The following FOXP1 variants were observed in gnomAD, a reference collection of about 807,000 sequenced individuals.
FOXP1 encodes the protein forkhead box P1.
FOXP1 carries 15 observed loss-of-function variants against 98.2 expected under a neutral mutation model. The observed-to-expected ratio is 0.15, with a 90% confidence interval of 0.10 to 0.24. FOXP1 has a LOEUF of 0.24. Ranked by LOEUF, FOXP1 falls within the 10% of genes least tolerant of loss-of-function variation. The probability of loss-of-function intolerance (pLI) is 1.00; values close to 1 mark genes in which losing one functional copy is unlikely to be tolerated. For synonymous variants in FOXP1, 371 were observed against 314.5 expected (o/e 1.18, Z -1.90); for missense variants, 633 against 848.5 (o/e 0.75, Z 3.15).
intron 7 of FOXP1, 62 bp from the exon 8 acceptor site, chr3:71,053,835 T>C: frequency 6.3e-7 from 1 of 1,598,876 alleles, no homozygotes; most frequent in South Asian, 1.1e-5. Context: ...GCCTCCCAGG[T>C]TCAGCAGCTG....
intron 9 of FOXP1, 31 bp from the exon 10 acceptor site, chr3:71,047,126 G>T: frequency 6.2e-7 from 1 of 1,613,202 alleles, no homozygotes; most frequent in East Asian, 2.2e-5. Context: ...AAAATGAGAT[G>T]GCCACTTCCC....
intron 2 of FOXP1, among the ~76,000 whole-genome samples, chr3:71,498,051 G>A (rs2091534569): frequency 6.6e-6 from 1 of 152,078 alleles, no homozygotes; most frequent in Non-Finnish European, 1.5e-5. Context: ...CATGCGTTCT[G>A]GCAGTGGCTA....
intron 3 of FOXP1, among the ~76,000 whole-genome samples, chr3:71,405,734 A>T (rs67883066): frequency 0.15 from 23,043 of 150,716 alleles, 2,061 homozygotes; most frequent in South Asian, 0.21. Flanking sequence ...TTATTTATTT[A>T]TTTATTTTTT....
intron 8 of FOXP1, among the ~76,000 whole-genome samples, chr3:71,053,256 C>T (rs1157702431): frequency 6.6e-6 from 1 of 152,178 alleles, no homozygotes; most frequent in Non-Finnish European, 1.5e-5. Context: ...CTGTAAGCTT[C>T]TGAGTCGAAA....
intron 5 of FOXP1, among the ~76,000 whole-genome samples, chr3:71,249,557 C>T (rs754071491): frequency 6.6e-6 from 1 of 152,156 alleles, no homozygotes; most frequent in African/African-American, 2.4e-5. Flanking sequence ...CAGTGGAGTC[C>T]GGATCTGAAC....
intron 4 of FOXP1, among the ~76,000 whole-genome samples, chr3:71,315,554 G>A (rs2075028748): frequency 6.6e-6 from 1 of 152,170 alleles, no homozygotes; most frequent in Admixed American, 6.5e-5. Flanking sequence ...TCTTGAATGA[G>A]AGAGAACAGC....
chr3:71,067,563 G>T (rs867721247), intron 7 of FOXP1, among the ~76,000 whole-genome samples: 1 of 152,168 alleles, frequency 6.6e-6, no homozygotes, highest in Admixed American at 6.5e-5. Context: ...TTGTACAGAG[G>T]AGGAAACTGA....
intron 17 of FOXP1, among the ~76,000 whole-genome samples, chr3:70,973,965 G>A (rs954151145): frequency 6.6e-6 from 1 of 151,686 alleles, no homozygotes; most frequent in African/African-American, 2.4e-5. Flanking sequence ...CACAATTGGT[G>A]GCTGTGAGGA....
At chr3:71,403,934 T>C (rs943780280) in intron 3 of FOXP1, among the ~76,000 whole-genome samples, 2 of 152,012 alleles carry the variant, frequency 1.3e-5, no homozygotes, top group Non-Finnish European at 2.9e-5. Flanking sequence ...TCAAAATAGA[T>C]GGCATGTGAA....
intron 3 of FOXP1, among the ~76,000 whole-genome samples, chr3:71,471,580 A>G (rs1045121456): frequency 6.6e-6 from 1 of 152,160 alleles, no homozygotes; most frequent in Non-Finnish European, 1.5e-5. Flanking sequence ...AAACTATAAC[A>G]ATGTTCCATT....
intron 2 of FOXP1, among the ~76,000 whole-genome samples, chr3:71,528,267 C>CA (rs2043555723): frequency 6.6e-6 from 1 of 152,218 alleles, no homozygotes; most frequent in Non-Finnish European, 1.5e-5. Flanking sequence ...CCCTAACTTT[C>CA]AAACTCTCAG....
At chr3:71,206,853 C>A (rs182745438) in intron 5 of FOXP1, among the ~76,000 whole-genome samples, 20 of 152,188 alleles carry the variant, frequency 1.3e-4, no homozygotes, top group African/African-American at 4.6e-4. Flanking sequence ...TCCTAATAGA[C>A]AAGAGTTTAA....
intron 2 of FOXP1, chr3:71,571,808 C>T (rs889256017): frequency 1.3e-5 from 2 of 152,164 alleles, no homozygotes; most frequent in African/African-American, 2.4e-5. Flanking sequence ...CCCGATTATA[C>T]CACTGATTTC....
intron 4 of FOXP1, among the ~76,000 whole-genome samples, chr3:71,357,748 C>G (rs1229947085): frequency 2.0e-5 from 3 of 152,194 alleles, no homozygotes; most frequent in African/African-American, 7.2e-5. Flanking sequence ...AGCCAGCAGC[C>G]ACCATGTGAC....
At chr3:70,965,352 C>T (rs1575693070) in intron 20 of FOXP1, among the ~76,000 whole-genome samples, 1 of 152,170 alleles carries the variant, frequency 6.6e-6, no homozygotes, top group South Asian at 2.1e-4. Context: ...ATTATACTGC[C>T]GTCTGCTGCT....
intron 3 of FOXP1, among the ~76,000 whole-genome samples, chr3:71,363,293 G>T (rs1338709632): frequency 2.6e-5 from 4 of 152,076 alleles, no homozygotes; most frequent in African/African-American, 9.7e-5. Flanking sequence ...CACGGATAAA[G>T]AATTCTACTC....
At chr3:71,404,977 C>T (rs1019584883) in intron 3 of FOXP1, among the ~76,000 whole-genome samples, 5 of 152,152 alleles carry the variant, frequency 3.3e-5, no homozygotes, top group East Asian at 1.9e-4. Flanking sequence ...AGACTGAATC[C>T]GGTACAAAAT....
chr3:71,045,340 G>C (rs1170406359), intron 10 of FOXP1, among the ~76,000 whole-genome samples: 1 of 152,084 alleles, frequency 6.6e-6, no homozygotes, highest in African/African-American at 2.4e-5. Flanking sequence ...AGCTTGTCTT[G>C]TCACTGCCCA....
chr3:71,376,262 A>AACCTGCT (rs2079702848), intron 3 of FOXP1, among the ~76,000 whole-genome samples: 3 of 152,162 alleles, frequency 2.0e-5, no homozygotes. Context: ...AGTAAGGCCC[A>AACCTGCT]GAAGCAGCTA....
Sources: allele counts gnomAD v4.1 joint callset (sites outside exome capture counted in the v4.1 genomes callset), GRCh38; gene constraint gnomAD v4.1.1; transcripts MANE v1.5; gene names NCBI Gene and HGNC (gene_info 2026-07-23, HGNC 2026-07-21).